Variants in MAGI1 observed in about 807,000 individuals in gnomAD.
MAGI1 encodes membrane associated guanylate kinase, WW and PDZ domain containing 1.
Under a neutral mutation model 139.9 loss-of-function variants are expected in MAGI1, and 58 were observed. That is an observed-to-expected ratio of 0.41 (90% confidence interval 0.34 to 0.52). The LOEUF (loss-of-function observed/expected upper bound fraction) is 0.52. Among genes scored for constraint, MAGI1 ranks in the 20% least tolerant of loss-of-function variants. The probability of loss-of-function intolerance (pLI) is 0.12; values close to 1 mark genes in which losing one functional copy is unlikely to be tolerated. For missense variants in MAGI1, 1,874 were observed against 1,901.6 expected (o/e 0.99, Z 0.27); for synonymous variants, 812 against 737.9 (o/e 1.10, Z -1.63).
chr3:66,032,187 A>G lies in MAGI1; in HGVS notation c.313+5809T>C, dbSNP rs145531005. Among the ~76,000 whole-genome samples, 713 of 150,368 alleles carry G rather than the reference A, an allele frequency of 4.7e-3. 4 individuals are homozygous for G. The highest frequency in any genetic ancestry group is 0.016 in the African/African-American group (674 of 41,192). On this transcript the variant is annotated intron_variant, in intron 1 of 22. Coordinates refer to ENST00000402939, the MANE Select transcript of MAGI1 (RefSeq NM_001033057.2). ...CAATGGAATAGTCATTCAGGCATCC[A>G]ACCAATTTTAGTGAGCACCTATTAT...
chr3:65,568,896 A>G (rs1343145976), intron 2 of MAGI1, among the ~76,000 whole-genome samples: 1 of 152,226 alleles, frequency 6.6e-6, no homozygotes, highest in Non-Finnish European at 1.5e-5. Context: ...ATGAGTTCAT[A>G]ATAATATCCA....
intron 2 of MAGI1, among the ~76,000 whole-genome samples, chr3:65,508,499 A>T (rs1337554198): frequency 4.6e-5 from 7 of 152,172 alleles, no homozygotes; most frequent in African/African-American, 1.7e-4. Context: ...ATAGTCTTTA[A>T]ATAGAATCTA....
At chr3:65,628,438 T>A (rs1242365483) in intron 1 of MAGI1, among the ~76,000 whole-genome samples, 1 of 151,992 alleles carries the variant, frequency 6.6e-6, no homozygotes, top group Non-Finnish European at 1.5e-5. Flanking sequence ...AAGTGTCATC[T>A]CCAAATGGCA....
rs546105078 is a variant in MAGI1 at position 65,486,980 on chromosome 3, CCAATA to C, written c.550+6527_550+6531del. 8.5e-5 allele frequency among the ~76,000 whole-genome samples: 13 copies of C among 152,294 alleles called. No individual in the cohort carries two copies. The East Asian group carries it at 1.9e-3, about 23-fold the overall frequency. On this transcript the variant is annotated intron_variant, in intron 3 of 22. Transcript: ENST00000402939. ...CTTTTCTACCTCGTTCTCACAATAA[CCAATA>C]CATTAACAAATTCAGCTTTTCACAT...
At chr3:65,458,344 T>C (rs1949538100) in intron 5 of MAGI1, among the ~76,000 whole-genome samples, 1 of 151,876 alleles carries the variant, frequency 6.6e-6, no homozygotes, top group Non-Finnish European at 1.5e-5. Flanking sequence ...GCTCTATTTT[T>C]AGTTTTTCTG....
At chr3:65,636,703 T>TACACACACACACAC (rs10662746) in intron 1 of MAGI1, among the ~76,000 whole-genome samples, 5 of 148,474 alleles carry the variant, frequency 3.4e-5, no homozygotes, top group Non-Finnish European at 6.0e-5. Flanking sequence ...GGAAAACACA[T>TACACACACACACAC]ACACACACAC....
Position 65,382,014 on chromosome 3 carries a change from C to T in MAGI1, c.2564G>A (p.Arg855Lys), listed in dbSNP as rs201936743. 2 of 1,614,004 alleles carry T rather than the reference C, an allele frequency of 1.2e-6. No individual in the cohort carries two copies. The highest frequency in any genetic ancestry group is 1.3e-5 in the African/African-American group (1 of 74,914). Residue 855 changes from arginine to lysine, a missense_variant, in exon 16 of 23, where the codon AGG (arginine) becomes AAG (lysine). Transcript: ENST00000402939. The stretch of plus-strand genomic sequence containing the variant: ...CACACAGATTAATTCATCTCCAGAC[C>T]TCAGGCGGCCGTCAGTATCAGCAGC... The part of the protein sequence containing the change: ...LGAADTDGRL[R>K]SGDELICVDG...
intron 1 of MAGI1, among the ~76,000 whole-genome samples, chr3:66,035,867 T>TC (rs1055378574): frequency 2.0e-5 from 3 of 152,004 alleles, no homozygotes; most frequent in Admixed American, 6.6e-5. Flanking sequence ...CTTCCTAAAC[T>TC]CCATGATGAG....
In MAGI1 at chr3:66,017,207, C is replaced by A. The variant is rs143267095; in HGVS notation, c.313+20789G>T. Among the ~76,000 whole-genome samples, 46 of 152,342 alleles carry A rather than the reference C, an allele frequency of 3.0e-4. No individual in the cohort carries two copies. In the Middle Eastern group the frequency reaches 0.017, roughly 56 times the overall value. ...GTTCATGAAGTGCCAAGTTGCACTGCCGGGAACCCCAAGGAGAAAGTAGGA... is the reference window on the plus strand; with the variant it reads ...GTTCATGAAGTGCCAAGTTGCACTGACGGGAACCCCAAGGAGAAAGTAGGA... On this transcript the variant is annotated intron_variant, in intron 1 of 22. Transcript: ENST00000402939.
intron 1 of MAGI1, among the ~76,000 whole-genome samples, chr3:65,776,571 G>A (rs772487942): frequency 4.3e-4 from 66 of 152,042 alleles, no homozygotes; most frequent in Non-Finnish European, 7.8e-4. Flanking sequence ...GGCTCTCCTC[G>A]AATATCTGGT....
chr3:65,976,795 T>C (rs1560073895), intron 1 of MAGI1, among the ~76,000 whole-genome samples: 1 of 152,188 alleles, frequency 6.6e-6, no homozygotes, highest in Non-Finnish European at 1.5e-5. Context: ...AGGTAAACCA[T>C]GAAGAAGACT....
intron 1 of MAGI1, among the ~76,000 whole-genome samples, chr3:65,998,102 C>T (rs1375657924): frequency 1.6e-5 from 2 of 125,980 alleles, no homozygotes; most frequent in South Asian, 2.7e-4. Context: ...GACTCTGTCT[C>T]GGGAAAAAAA....
At chr3:65,694,623 C>T (rs909519252) in intron 1 of MAGI1, among the ~76,000 whole-genome samples, 4 of 152,186 alleles carry the variant, frequency 2.6e-5, no homozygotes, top group Non-Finnish European at 5.9e-5. Flanking sequence ...TCTGGCTAAG[C>T]CTTCGGCTCA....
intron 16 of MAGI1, among the ~76,000 whole-genome samples, chr3:65,379,898 G>A (rs1335904237): frequency 1.3e-5 from 2 of 152,186 alleles, no homozygotes; most frequent in Non-Finnish European, 2.9e-5. Context: ...AAAGGGAAGG[G>A]CCTAAGCGTA....
intron 12 of MAGI1, chr3:65,402,025 G>A (rs1171069208): frequency 7.3e-6 from 3 of 413,224 alleles, no homozygotes; most frequent in African/African-American, 4.3e-5. Context: ...AAACAAAGAC[G>A]GATGCTCTTT....
intron 2 of MAGI1, among the ~76,000 whole-genome samples, chr3:65,507,846 A>T (rs971023326): frequency 1.3e-5 from 2 of 151,540 alleles, no homozygotes; most frequent in Admixed American, 1.3e-4. Context: ...CATAGAAATT[A>T]TTTTTTTTCA....
At chr3:65,688,893 T>G (rs1391965660) in intron 1 of MAGI1, among the ~76,000 whole-genome samples, 1 of 152,192 alleles carries the variant, frequency 6.6e-6, no homozygotes, top group Non-Finnish European at 1.5e-5. Flanking sequence ...ACTTGAGAAC[T>G]ACTGAGTAAG....
intron 2 of MAGI1, 31 bp downstream of exon 2, chr3:65,621,941 A>ACAC (rs1553681883): frequency 6.3e-5 from 91 of 1,444,238 alleles, no homozygotes; most frequent in South Asian, 8.1e-5. Flanking sequence ...ACACACACAC[A>ACAC]GCAGTGAGAT....
chr3:65,596,495 A>G (rs1255923235), intron 2 of MAGI1, among the ~76,000 whole-genome samples: 1 of 152,216 alleles, frequency 6.6e-6, no homozygotes, highest in Non-Finnish European at 1.5e-5. Flanking sequence ...AAACTCTGGG[A>G]AAGAGAAAAG....
Sources: allele counts gnomAD v4.1 joint callset (sites outside exome capture counted in the v4.1 genomes callset), GRCh38; gene constraint gnomAD v4.1.1; transcripts MANE v1.5; gene names NCBI Gene and HGNC (gene_info 2026-07-23, HGNC 2026-07-21).